ADGRG6: variants seen among roughly 807,000 people sequenced by gnomAD.
ADGRG6 encodes adhesion G protein-coupled receptor G6.
A neutral mutation model predicts 142.4 loss-of-function variants in ADGRG6; 84 were observed. The observed-to-expected ratio is 0.59, with a 90% CI of 0.49 to 0.71. The LOEUF (loss-of-function observed/expected upper bound fraction) is 0.71. Among genes scored for constraint, ADGRG6 ranks in the 30% least tolerant of loss-of-function variants. The pLI is 0.00. For synonymous variants in ADGRG6, 521 were observed against 520.5 expected (o/e 1.00, Z -0.01); for missense variants, 1,367 against 1,466.6 (o/e 0.93, Z 1.11).
At chr6:142,354,501 TG>T (rs1173225302) in intron 2 of ADGRG6, among the ~76,000 whole-genome samples, 1 of 152,218 alleles carries the variant, frequency 6.6e-6, no homozygotes, top group Non-Finnish European at 1.5e-5. Context: ...CATTCTCTTT[TG>T]TGTTTTGGCC....
intron 12 of ADGRG6, 50 bp from the exon 13 acceptor site, chr6:142,402,570 C>G: frequency 1.1e-6 from 1 of 950,576 alleles, no homozygotes; most frequent in Non-Finnish European, 1.6e-6. Flanking sequence ...TGGAAATGCT[C>G]TAAATATTCA....
intron 2 of ADGRG6, among the ~76,000 whole-genome samples, chr6:142,337,971 TAAAC>T (rs1428512906): frequency 1.3e-5 from 2 of 149,696 alleles, no homozygotes; most frequent in East Asian, 3.9e-4. Context: ...TTGTTGAAAA[TAAAC>T]AAATGTTCTG....
At chr6:142,428,810 A>C (rs1356020284) in intron 22 of ADGRG6, among the ~76,000 whole-genome samples, 2 of 152,180 alleles carry the variant, frequency 1.3e-5, no homozygotes, top group Non-Finnish European at 2.9e-5. Context: ...ATTACAATTC[A>C]AGATGAGATT....
intron 22 of ADGRG6, among the ~76,000 whole-genome samples, chr6:142,426,011 A>T (rs1338419428): frequency 2.6e-5 from 4 of 152,122 alleles, no homozygotes; most frequent in Non-Finnish European, 1.5e-5. Context: ...GATGTGTGGG[A>T]ATTGTGGGAG....
chr6:142,339,466 C>A (rs921314062), intron 2 of ADGRG6, among the ~76,000 whole-genome samples: 1 of 152,204 alleles, frequency 6.6e-6, no homozygotes, highest in African/African-American at 2.4e-5. Context: ...CCTCCTTCCC[C>A]TCCCAGATGT....
In ADGRG6 at chr6:142,314,391, G is replaced by A. The variant is rs144662210; in HGVS notation, c.103+4747G>A. 8.7e-4 allele frequency among the ~76,000 whole-genome samples: 133 copies of A among 152,200 alleles called. 1 individual carries two copies. The highest frequency in any genetic ancestry group is 2.6e-3 in the African/African-American group (110 of 41,540). ...TCCTACTTTTTATTGGTGAGATCAC[G>A]CTTGTCTCCAGGCATGACTGTCATA... On this transcript the variant is annotated intron_variant, in intron 2 of 24. Transcript: ENST00000367609.
chr6:142,399,991 T>C (rs1775420476), intron 10 of ADGRG6, among the ~76,000 whole-genome samples: 1 of 152,176 alleles, frequency 6.6e-6, no homozygotes, highest in African/African-American at 2.4e-5. Context: ...GTGTCCCCCT[T>C]AGTTAGCTTC....
chr6:142,359,160 T>C (rs1202226229), intron 2 of ADGRG6, among the ~76,000 whole-genome samples: 2 of 148,182 alleles, frequency 1.3e-5, no homozygotes, highest in Non-Finnish European at 1.5e-5. Context: ...TGAGCCATGA[T>C]TGTACCAGTG....
intron 2 of ADGRG6, among the ~76,000 whole-genome samples, chr6:142,361,888 G>T (rs1410843258): frequency 6.6e-6 from 1 of 151,938 alleles, no homozygotes; most frequent in African/African-American, 2.4e-5. Flanking sequence ...GTGTGGGTGT[G>T]TGTACATATG....
intron 2 of ADGRG6, among the ~76,000 whole-genome samples, chr6:142,351,853 A>T (rs1780194056): frequency 6.6e-6 from 1 of 152,164 alleles, no homozygotes; most frequent in African/African-American, 2.4e-5. Flanking sequence ...CAAGCAAAAA[A>T]CAACCCCGTT....
chr6:142,420,447 A>G (rs1776608202), intron 22 of ADGRG6, among the ~76,000 whole-genome samples: 1 of 152,144 alleles, frequency 6.6e-6, no homozygotes. Context: ...ATGCACAGAC[A>G]AGTTACCTTC....
At chr6:142,358,201 A>G (rs946263538) in intron 2 of ADGRG6, among the ~76,000 whole-genome samples, 12 of 152,346 alleles carry the variant, frequency 7.9e-5, no homozygotes, top group East Asian at 5.8e-4. Context: ...CCACCCTGCA[A>G]TGCTGCCTAG....
chr6:142,370,898 A>G (rs1781215144), intron 4 of ADGRG6, 105 bp downstream of exon 4: 1 of 1,084,720 alleles, frequency 9.2e-7, no homozygotes, highest in Non-Finnish European at 1.4e-6. Flanking sequence ...CTGTATGTAT[A>G]TTCACACATA....
intron 1 of ADGRG6, among the ~76,000 whole-genome samples, chr6:142,307,059 G>A (rs926469365): frequency 6.6e-6 from 1 of 152,090 alleles, no homozygotes; most frequent in Middle Eastern, 3.2e-3. Flanking sequence ...AATTGAATAT[G>A]GAATCCCTAA....
intron 16 of ADGRG6, among the ~76,000 whole-genome samples, chr6:142,409,235 A>G (rs1775964959): frequency 6.6e-6 from 1 of 152,070 alleles, no homozygotes. Flanking sequence ...TCACTACTCT[A>G]AGTACCTCAT....
intron 21 of ADGRG6, 80 bp downstream of exon 21, chr6:142,417,449 AG>A (rs1776423352): frequency 2.9e-6 from 2 of 696,360 alleles, no homozygotes; most frequent in Non-Finnish European, 5.1e-6. Flanking sequence ...GCCAATAACA[AG>A]GCTTTCATTT....
chr6:142,329,673 A>G (rs1778945907), intron 2 of ADGRG6, among the ~76,000 whole-genome samples: 1 of 152,176 alleles, frequency 6.6e-6, no homozygotes, highest in South Asian at 2.1e-4. Context: ...TGATCAACAC[A>G]AAGGGTAAAT....
chr6:142,403,427 G>A (rs1775638494), intron 13 of ADGRG6, among the ~76,000 whole-genome samples: 1 of 151,842 alleles, frequency 6.6e-6, no homozygotes, highest in Admixed American at 6.6e-5. Context: ...CATTTTTATG[G>A]CATCTTGCAG....
intron 6 of ADGRG6, among the ~76,000 whole-genome samples, chr6:142,388,637 T>G (rs913725352): frequency 6.6e-6 from 1 of 152,106 alleles, no homozygotes; most frequent in Non-Finnish European, 1.5e-5. Context: ...GGCAAAATCA[T>G]CTAACACAGA....
Sources: allele counts gnomAD v4.1 joint callset (sites outside exome capture counted in the v4.1 genomes callset), GRCh38; gene constraint gnomAD v4.1.1; transcripts MANE v1.5; gene names NCBI Gene and HGNC (gene_info 2026-07-23, HGNC 2026-07-21).